Variants in MAP2K6 observed in about 807,000 individuals in gnomAD.
MAP2K6 encodes the protein dual specificity mitogen-activated protein kinase kinase 6.
In MAP2K6, 16 loss-of-function variants were observed where a neutral mutation model predicts 53.7. The ratio of observed to expected loss-of-function variants is 0.30; its 90% CI spans 0.20 to 0.45. MAP2K6 has a LOEUF of 0.45. MAP2K6 is among the 20% of genes least tolerant of loss of function. The probability of loss-of-function intolerance (pLI) is 1.00; values close to 1 mark genes in which losing one functional copy is unlikely to be tolerated. For missense variants in MAP2K6, 204 were observed against 411.9 expected (o/e 0.50, Z 4.37); for synonymous variants, 132 against 143.1 (o/e 0.92, Z 0.55).
Position 69,414,724 on chromosome 17 carries a change from CA to C in MAP2K6, c.-260del, listed in dbSNP as rs1351980030. The C allele has an allele frequency of 2.3e-6, 1 of 428,874 alleles. No homozygotes were observed. The highest frequency in any genetic ancestry group is 2.0e-5 in the African/African-American group (1 of 49,472). The allele number at this position is 428,874 out of a possible 1,614,324, so 26.6% of individuals were successfully genotyped here. On this transcript the variant is annotated 5_prime_UTR_variant, in exon 1 of 12. Coordinates refer to ENST00000590474, the MANE Select transcript of MAP2K6 (RefSeq NM_002758.4). Reference sequence around the variant, plus strand: ...TTCCAAGTTTGGAGCTTTTAGCTGCCAGCCCTGGCCCATCATGTAGCTGCAG... The same window carrying C: ...TTCCAAGTTTGGAGCTTTTAGCTGCCGCCCTGGCCCATCATGTAGCTGCAG...
intron 10 of MAP2K6, among the ~76,000 whole-genome samples, chr17:69,530,845 A>G (rs996688353): frequency 2.6e-5 from 4 of 152,148 alleles, no homozygotes; most frequent in Non-Finnish European, 4.4e-5. Flanking sequence ...GCCATTAGCC[A>G]TCTAGTGATT....
chr17:69,459,331 C>A (rs1326835625), intron 1 of MAP2K6, among the ~76,000 whole-genome samples: 1 of 151,968 alleles, frequency 6.6e-6, no homozygotes. Context: ...TTCAGAGTAA[C>A]TAAATAAGTC....
chr17:69,508,231 C>CT (rs562661244), intron 2 of MAP2K6, among the ~76,000 whole-genome samples: 2 of 144,128 alleles, frequency 1.4e-5, no homozygotes, highest in Non-Finnish European at 3.1e-5. Flanking sequence ...TTTTTTTTTT[C>CT]TTTTTTTGGT....
chr17:69,524,233 A>C (rs1000935665), intron 8 of MAP2K6, among the ~76,000 whole-genome samples: 10 of 152,114 alleles, frequency 6.6e-5, no homozygotes, highest in Admixed American at 1.3e-4. Context: ...TTATTTGAAA[A>C]AATATATACA....
At chr17:69,430,780 A>G (rs147358161) in intron 1 of MAP2K6, among the ~76,000 whole-genome samples, 1 of 152,348 alleles carries the variant, frequency 6.6e-6, no homozygotes, top group Non-Finnish European at 1.5e-5. Context: ...TTTCTCTGTC[A>G]GGTTAGAGGG....
chr17:69,436,519 A>G (rs903750693), intron 1 of MAP2K6, among the ~76,000 whole-genome samples: 1 of 152,244 alleles, frequency 6.6e-6, no homozygotes, highest in African/African-American at 2.4e-5. Flanking sequence ...GGCACGTAGT[A>G]GGTGGTCAAC....
In MAP2K6 at chr17:69,546,062, T is replaced by C. The variant is rs1292737322; in HGVS notation, c.*4309T>C. ...AATGTACAACATCTTGCTTAGCCTGTGTGTGTTCTGTGGTACCTTGGAATA... is the reference window on the plus strand; with the variant it reads ...AATGTACAACATCTTGCTTAGCCTGCGTGTGTTCTGTGGTACCTTGGAATA... On this transcript the variant is annotated 3_prime_UTR_variant, in exon 12 of 12. Coordinates refer to ENST00000590474, the MANE Select transcript of MAP2K6 (RefSeq NM_002758.4). The C allele has an allele frequency of 3.3e-5, 5 of 151,720 alleles. No homozygotes were observed. The highest frequency in any genetic ancestry group is 2.9e-5 in the Non-Finnish European group (2 of 67,962). 9.4% of individuals were successfully genotyped at this position (151,720 alleles called of 1,614,324 possible). A position where few individuals can be genotyped will look rare whatever the true frequency, so the allele number is the denominator to read the frequency against.
rs1905848951 is a variant in MAP2K6, at chr17:69,414,866, A to T, written c.-119A>T. 1 of 867,108 alleles carries T rather than the reference A, an allele frequency of 1.2e-6. No individual in the cohort carries two copies. The highest frequency in any genetic ancestry group is 1.7e-5 in the African/African-American group (1 of 59,244). 53.7% of individuals were successfully genotyped at this position (867,108 alleles called of 1,614,324 possible). ...CCATCTGCTGCATCGGTCAAGAGAA[A>T]CTCCACTTGCATGAAGATTGCACGC... is the stretch of plus-strand genomic sequence containing the variant. On this transcript the variant is annotated 5_prime_UTR_variant, in exon 1 of 12. Transcript: ENST00000590474.
intron 2 of MAP2K6, among the ~76,000 whole-genome samples, chr17:69,516,065 T>C (rs1910124497): frequency 6.6e-6 from 1 of 152,142 alleles, no homozygotes; most frequent in African/African-American, 2.4e-5. Flanking sequence ...AGTTTTTCCA[T>C]GAACTGGGTG....
intron 1 of MAP2K6, among the ~76,000 whole-genome samples, chr17:69,486,173 C>T (rs8078890): frequency 2.0e-5 from 3 of 151,954 alleles, no homozygotes; most frequent in African/African-American, 7.2e-5. Flanking sequence ...TGTTTTTCCA[C>T]GTTGTGGTAC....
At chr17:69,475,896 G>A (rs193159416) in intron 1 of MAP2K6, among the ~76,000 whole-genome samples, 2 of 152,292 alleles carry the variant, frequency 1.3e-5, no homozygotes, top group East Asian at 3.9e-4. Context: ...TCACAAATAA[G>A]AGGAGTGTAA....
intron 1 of MAP2K6, among the ~76,000 whole-genome samples, chr17:69,432,449 A>C (rs1906493064): frequency 6.6e-6 from 1 of 152,248 alleles, no homozygotes; most frequent in African/African-American, 2.4e-5. Context: ...TGGCACATAT[A>C]CACCATGGAA....
chr17:69,512,540 T>C (rs1042126228), intron 2 of MAP2K6, among the ~76,000 whole-genome samples: 2 of 151,948 alleles, frequency 1.3e-5, no homozygotes, highest in African/African-American at 4.8e-5. Context: ...GGTTTCACTA[T>C]GTTGGCCAGG....
intron 1 of MAP2K6, among the ~76,000 whole-genome samples, chr17:69,430,674 C>G (rs140414262): frequency 2.2e-4 from 34 of 152,306 alleles, no homozygotes; most frequent in African/African-American, 8.2e-4. Flanking sequence ...GTACACAGCT[C>G]TCTAAGTGGG....
intron 1 of MAP2K6, among the ~76,000 whole-genome samples, chr17:69,485,995 CTGTGTATTTTCCTATT>C (rs1280675777): frequency 6.6e-6 from 1 of 151,952 alleles, no homozygotes. Flanking sequence ...TTTGAAAAGT[CTGTGTATTTTCCTATT>C]TCCATTTATG....
At position 69,519,395 on chromosome 17, in the gene MAP2K6, C is replaced by T; in HGVS notation, c.329C>T (p.Pro110Leu). The change falls in exon 5 of 12, where the codon CCA becomes CTA. Residue 110 changes from proline to leucine, a missense_variant. Pro to Leu is a moderately conservative substitution (Grantham distance 98). Around this residue, in one of 3 missense-constraint regions of MAP2K6, gnomAD observed 129 missense variants for 247.1 expected, o/e 0.52. Transcript: ENST00000590474. ...ATTTCCATGAGGACGGTGGACTGTC[C>T]ATTCACTGTCACCTTTTATGGCGCA... ...LDISMRTVDC[P>L]FTVTFYGALF... 6.2e-7 allele frequency: 1 copy of T among 1,614,120 alleles called. No individual in the cohort carries two copies. Among genetic ancestry groups the T allele is most frequent in the Admixed American group, 1.7e-5 (1 of 60,024 alleles).
chr17:69,496,115 T>C (rs915528164), intron 1 of MAP2K6, among the ~76,000 whole-genome samples: 2 of 152,126 alleles, frequency 1.3e-5, no homozygotes, highest in Non-Finnish European at 2.9e-5. Flanking sequence ...CATGAAGCTG[T>C]AATAAAACCC....
At chr17:69,488,265 A>G (rs774963486) in intron 1 of MAP2K6, among the ~76,000 whole-genome samples, 24 of 152,188 alleles carry the variant, frequency 1.6e-4, no homozygotes, top group Non-Finnish European at 3.5e-4. Flanking sequence ...TTAAAAAGTC[A>G]AAAAATGAGA....
chr17:69,456,150 A>G (rs897895810), intron 1 of MAP2K6, among the ~76,000 whole-genome samples: 8 of 152,178 alleles, frequency 5.3e-5, no homozygotes, highest in African/African-American at 1.9e-4. Flanking sequence ...CGTGAGCCAC[A>G]GCTCCTGTCC....
Sources: allele counts gnomAD v4.1 joint callset (sites outside exome capture counted in the v4.1 genomes callset), GRCh38; gene constraint gnomAD v4.1.1; regional missense constraint gnomAD v4.1.1; transcripts MANE v1.5; gene names NCBI Gene and HGNC (gene_info 2026-07-23, HGNC 2026-07-21).